SLC12A3: variants seen among roughly 807,000 people sequenced by gnomAD.
The protein encoded by SLC12A3 is solute carrier family 12 member 3.
A neutral mutation model predicts 121.0 loss-of-function variants in SLC12A3; 104 were observed. The ratio of observed to expected loss-of-function variants is 0.86; its 90% CI spans 0.73 to 1.01. The LOEUF is 1.01. Among genes scored for constraint, SLC12A3 ranks in the 50% least tolerant of loss-of-function variants. The pLI is 0.00. For synonymous variants in SLC12A3, 536 were observed against 533.4 expected, an observed-to-expected ratio of 1.00 and a Z score of -0.07; for missense variants, 1,328 against 1,356.3, an observed-to-expected ratio of 0.98 and a Z score of 0.33.
At chr16:56,887,798 A>ATATATATATATATTTTT (rs1433682477) in intron 17 of SLC12A3, 127 bp from the exon 18 acceptor site, 10 of 68,434 alleles carry the variant, frequency 1.5e-4, no homozygotes, top group Non-Finnish European at 2.0e-4. Flanking sequence ...ATATATATAT[A>ATATATATATATATTTTT]TTTTTTTTTT....
In SLC12A3 at chr16:56,882,513, A is replaced by C; in HGVS notation, c.1669+16A>C. On this transcript the variant is annotated intron_variant, in intron 13 of 25. Coordinates refer to ENST00000563236, the MANE Select transcript of SLC12A3 (RefSeq NM_001126108.2). ...AACTCGCCTGGTAAGCAAACCCTTC[A>C]CCCACCTCAGGAGGAGGCACCCAGG... 6.3e-7 allele frequency: 1 copy of C among 1,599,286 alleles called. No individual in the cohort carries two copies. Among genetic ancestry groups the C allele is most frequent in the Non-Finnish European group, 8.6e-7 (1 of 1,166,840 alleles).
intron 9 of SLC12A3, among the ~76,000 whole-genome samples, chr16:56,878,493 A>T (rs1320703889): frequency 7.2e-5 from 11 of 152,034 alleles, no homozygotes; most frequent in Non-Finnish European, 1.5e-4. Flanking sequence ...GATGATAATG[A>T]TACCAGTAAC....
At chr16:56,882,841 CT>C (rs1444321450) in intron 13 of SLC12A3, among the ~76,000 whole-genome samples, 8 of 151,832 alleles carry the variant, frequency 5.3e-5, no homozygotes, top group African/African-American at 1.9e-4. Flanking sequence ...ATTCGGGAGG[CT>C]GAGGCAGGAG....
At position 56,879,149 on chromosome 16, in the gene SLC12A3, G is replaced by A. The variant is rs1299449885; in HGVS notation, c.1257G>A (p.Leu419=). 1 of 1,613,658 alleles carries A rather than the reference G, an allele frequency of 6.2e-7. No individual in the cohort carries two copies. Among genetic ancestry groups the A allele is most frequent in the Non-Finnish European group, 8.5e-7 (1 of 1,179,972 alleles). ...VTPGWGACEG[L]ACSYGWNFTE... ...CTGGCTGGGGTGCCTGCGAGGGGCT[G>A]GCCTGCAGCTATGGCTGGAACTTCA... Residue 419 remains leucine (L), a synonymous_variant, in exon 10 of 26, where the codon CTG becomes CTA. Coordinates refer to ENST00000563236, the MANE Select transcript of SLC12A3 (RefSeq NM_001126108.2).
intron 23 of SLC12A3, 80 bp from the exon 24 acceptor site, chr16:56,902,293 C>A: frequency 6.3e-7 from 1 of 1,575,270 alleles, no homozygotes; most frequent in East Asian, 2.2e-5. Flanking sequence ...GGCAACACTG[C>A]CAGCTCCCCG....
chr16:56,900,028 C>A (rs937521372), intron 23 of SLC12A3, among the ~76,000 whole-genome samples: 3 of 152,196 alleles, frequency 2.0e-5, no homozygotes, highest in African/African-American at 7.2e-5. Flanking sequence ...CCGTCTTCTT[C>A]AAATAAGACA....
intron 12 of SLC12A3, 25 bp from the exon 13 acceptor site, chr16:56,882,371 C>T (rs1490490018): frequency 6.3e-7 from 1 of 1,585,344 alleles, no homozygotes; most frequent in Non-Finnish European, 8.7e-7. Flanking sequence ...AACAGGCTGT[C>T]CTCTCTCTCC....
At chr16:56,908,100 C>A (rs940953134) in intron 25 of SLC12A3, among the ~76,000 whole-genome samples, 5 of 142,312 alleles carry the variant, frequency 3.5e-5, no homozygotes, top group Non-Finnish European at 7.5e-5. Flanking sequence ...TCCCCAGTGC[C>A]AGTGTGTGCT....
intron 8 of SLC12A3, among the ~76,000 whole-genome samples, chr16:56,874,786 C>T (rs753197801): frequency 1.3e-5 from 2 of 152,146 alleles, no homozygotes; most frequent in Non-Finnish European, 2.9e-5. Context: ...GCCTGGGTGA[C>T]AGAGCGGAAC....
At chr16:56,890,626 T>C (rs1335131446) in intron 19 of SLC12A3, among the ~76,000 whole-genome samples, 1 of 152,048 alleles carries the variant, frequency 6.6e-6, no homozygotes, top group Non-Finnish European at 1.5e-5. Flanking sequence ...AGGCCGGACA[T>C]GGTGGCTCAC....
At chr16:56,897,791 C>T (rs2055485112) in intron 22 of SLC12A3, among the ~76,000 whole-genome samples, 2 of 152,144 alleles carry the variant, frequency 1.3e-5, no homozygotes, top group Admixed American at 6.5e-5. Flanking sequence ...CTTGGTGGGC[C>T]GCATCCTCTG....
At chr16:56,875,370 T>C (rs961510098) in intron 8 of SLC12A3, among the ~76,000 whole-genome samples, 2 of 152,106 alleles carry the variant, frequency 1.3e-5, no homozygotes, top group Admixed American at 1.3e-4. Flanking sequence ...ATGTGCTAAT[T>C]CATGTAAAGT....
chr16:56,893,624 A>G (rs2055420165), intron 21 of SLC12A3, among the ~76,000 whole-genome samples: 1 of 152,224 alleles, frequency 6.6e-6, no homozygotes, highest in African/African-American at 2.4e-5. Flanking sequence ...ACAGAGGATT[A>G]CAAGGTGATA....
chr16:56,892,712 T>C (rs1469805659), intron 20 of SLC12A3, among the ~76,000 whole-genome samples: 1 of 152,090 alleles, frequency 6.6e-6, no homozygotes, highest in African/African-American at 2.4e-5. Flanking sequence ...TGCACTTCCC[T>C]ACCTACCCAG....
chr16:56,898,922 C>G (rs2144758397), intron 22 of SLC12A3, among the ~76,000 whole-genome samples: 1 of 152,288 alleles, frequency 6.6e-6, no homozygotes, highest in South Asian at 2.1e-4. Context: ...AATGCAGAAT[C>G]CCAGGCCTCA....
At chr16:56,866,035 G>A (rs1485754353) in intron 1 of SLC12A3, among the ~76,000 whole-genome samples, 1 of 151,294 alleles carries the variant, frequency 6.6e-6, no homozygotes, top group Non-Finnish European at 1.5e-5. Flanking sequence ...GCCCAGGCTG[G>A]AGTGCAGTGG....
chr16:56,875,286 C>A (rs1329016642), intron 8 of SLC12A3, among the ~76,000 whole-genome samples: 2 of 152,172 alleles, frequency 1.3e-5, no homozygotes, highest in African/African-American at 2.4e-5. Context: ...TTAAAACTCC[C>A]TGGGCCTCAG....
At chr16:56,884,696 A>G (rs958002290) in intron 14 of SLC12A3, among the ~76,000 whole-genome samples, 8 of 152,178 alleles carry the variant, frequency 5.3e-5, no homozygotes, top group African/African-American at 1.7e-4. Flanking sequence ...CTAAGTGTCA[A>G]CCTGGGCTTC....
Position 56,868,383 on chromosome 16 carries a change from C to T in SLC12A3, c.505+11C>T. On this transcript the variant is annotated intron_variant, in intron 3 of 25. Coordinates refer to ENST00000563236, the MANE Select transcript of SLC12A3 (RefSeq NM_001126108.2). ...CCCAGGCAGGCATCGGTGAGTGCCC[C>T]TCTGGGGAAGAGGAGGGAGGGCTTG... 1 of 1,609,264 alleles carries T rather than the reference C, an allele frequency of 6.2e-7. No individual in the cohort carries two copies. Among genetic ancestry groups the T allele is most frequent in the South Asian group, 1.1e-5 (1 of 90,158 alleles).
Sources: allele counts gnomAD v4.1 joint callset (sites outside exome capture counted in the v4.1 genomes callset), GRCh38; gene constraint gnomAD v4.1.1; transcripts MANE v1.5; gene names NCBI Gene and HGNC (gene_info 2026-07-23, HGNC 2026-07-21).